Variants in TYW1 observed in about 807,000 individuals in gnomAD.
The protein encoded by TYW1 is tRNA-yW synthesizing protein 1 homolog, also known as S-adenosyl-L-methionine-dependent tRNA 4-demethylwyosine synthase TYW1.
Under a neutral mutation model 96.2 loss-of-function variants are expected in TYW1, and 46 were observed. The observed-to-expected ratio is 0.48, with a 90% confidence interval of 0.38 to 0.61. The LOEUF (loss-of-function observed/expected upper bound fraction) is 0.61. Ranked by LOEUF, TYW1 falls within the 20% of genes least tolerant of loss-of-function variation. The probability of loss-of-function intolerance (pLI) is 0.00; values close to 1 mark genes in which losing one functional copy is unlikely to be tolerated. For synonymous variants in TYW1, 274 were observed against 323.0 expected, an observed-to-expected ratio of 0.85 and a Z score of 1.63; for missense variants, 684 against 909.6, an observed-to-expected ratio of 0.75 and a Z score of 3.19.
At chr7:67,000,918 C>A (rs971789752) in intron 3 of TYW1, among the ~76,000 whole-genome samples, 6 of 152,018 alleles carry the variant, frequency 3.9e-5, no homozygotes, top group Non-Finnish European at 8.8e-5. Context: ...AGTGCAGATA[C>A]TTTGCTTCAT....
At chr7:67,128,714 G>A (rs1350891113) in intron 13 of TYW1, among the ~76,000 whole-genome samples, 5 of 141,458 alleles carry the variant, frequency 3.5e-5, no homozygotes, top group Non-Finnish European at 7.6e-5. Flanking sequence ...TTTTTGAGAC[G>A]GAGTCTTGCT....
At chr7:67,177,846 G>A (rs1212760938) in intron 13 of TYW1, among the ~76,000 whole-genome samples, 8 of 151,790 alleles carry the variant, frequency 5.3e-5, no homozygotes, top group African/African-American at 1.9e-4. Flanking sequence ...GAAAATGTGT[G>A]TTCTTGTGCA....
At chr7:67,095,660 A>AAAC (rs56747081) in intron 11 of TYW1, among the ~76,000 whole-genome samples, 4,098 of 136,640 alleles carry the variant, frequency 0.03, 87 homozygotes, top group East Asian at 0.075. Flanking sequence ...TCTGTCTCAA[A>AAAC]AACAACAACA....
chr7:67,222,223 T>C (rs1264266845), intron 15 of TYW1, among the ~76,000 whole-genome samples: 3 of 152,046 alleles, frequency 2.0e-5, no homozygotes, highest in Admixed American at 2.0e-4. Context: ...AAGAAAAAAA[T>C]ATAGAGTTAC....
At chr7:67,053,537 G>A (rs1188598328) in intron 8 of TYW1, among the ~76,000 whole-genome samples, 3 of 151,784 alleles carry the variant, frequency 2.0e-5, no homozygotes, top group Admixed American at 6.6e-5. Flanking sequence ...ACGCCACCAC[G>A]CCTGGCTAAT....
intron 12 of TYW1, among the ~76,000 whole-genome samples, chr7:67,105,967 G>A (rs1372742718): frequency 2.0e-5 from 3 of 146,374 alleles, no homozygotes; most frequent in Non-Finnish European, 3.0e-5. Flanking sequence ...GTGCGATCTC[G>A]GCTCACCACA....
At chr7:67,137,341 C>A (rs1292552546) in intron 13 of TYW1, among the ~76,000 whole-genome samples, 1 of 151,834 alleles carries the variant, frequency 6.6e-6, no homozygotes, top group Non-Finnish European at 1.5e-5. Flanking sequence ...TTAAGCCAGG[C>A]ATGGTGGCTC....
At chr7:67,046,486 G>A (rs1795189958) in intron 7 of TYW1, among the ~76,000 whole-genome samples, 2 of 152,248 alleles carry the variant, frequency 1.3e-5, no homozygotes, top group African/African-American at 4.8e-5. Flanking sequence ...GATGGTACAG[G>A]AGAGGAAGAA....
chr7:67,149,813 A>C (rs1212001453), intron 13 of TYW1, among the ~76,000 whole-genome samples: 4 of 151,150 alleles, frequency 2.6e-5, no homozygotes, highest in Non-Finnish European at 5.9e-5. Flanking sequence ...ATCATCATTC[A>C]TTTCTCCTCC....
At chr7:67,064,177 T>C (rs1795789145) in intron 9 of TYW1, among the ~76,000 whole-genome samples, 1 of 152,196 alleles carries the variant, frequency 6.6e-6, no homozygotes, top group Non-Finnish European at 1.5e-5. Flanking sequence ...ACCAATAAGA[T>C]TTTTGTAGAA....
At chr7:67,159,452 C>CATTA (rs1168791289) in intron 13 of TYW1, among the ~76,000 whole-genome samples, 1 of 152,170 alleles carries the variant, frequency 6.6e-6, no homozygotes, top group Non-Finnish European at 1.5e-5. Flanking sequence ...AATATTTCAT[C>CATTA]ATTATCAGCT....
At chr7:67,117,400 A>G (rs1797627247) in intron 12 of TYW1, 83 bp from the exon 13 acceptor site, 4 of 1,492,720 alleles carry the variant, frequency 2.7e-6, no homozygotes, top group South Asian at 2.7e-5. Flanking sequence ...CCCCATGTCT[A>G]TTACAGATTG....
chr7:67,194,926 C>T lies in TYW1; in HGVS notation c.1810-244C>T, dbSNP rs575515014. ...CCTAGATTGCGACAACGGTAGAAAG[C>T]GCAGGTACTTAAGCCCCAGCAATGT... is the stretch of plus-strand genomic sequence containing the variant. On this transcript the variant is annotated intron_variant, in intron 14 of 15. Transcript: ENST00000359626. 4.8e-5 allele frequency among the ~76,000 whole-genome samples: 7 copies of T among 145,074 alleles called. No homozygotes were observed. In the East Asian group the frequency reaches 7.7e-4, roughly 16 times the overall value.
chr7:67,174,324 A>G (rs1486340823), intron 13 of TYW1, among the ~76,000 whole-genome samples: 6 of 151,984 alleles, frequency 3.9e-5, no homozygotes, highest in Admixed American at 2.6e-4. Context: ...TTTTAAAAGC[A>G]GGCAGAGATA....
chr7:67,238,453 C>G lies in TYW1; in HGVS notation c.2123C>G (p.Ala708Gly). ...ACTCCTCACTGGGCATTATTTGGTGCCAGTGAAAGAGGCTTTGATCCCAAG... is the reference window on the plus strand; with the variant it reads ...ACTCCTCACTGGGCATTATTTGGTGGCAGTGAAAGAGGCTTTGATCCCAAG... ...ARTPHWALFG[A>G]SERGFDPKDT... Residue 708 changes from alanine to glycine, a missense_variant, in exon 16 of 16, where the codon GCC becomes GGC. Coordinates refer to ENST00000359626, the MANE Select transcript of TYW1 (RefSeq NM_018264.4). The G allele has an allele frequency of 6.2e-7, 1 of 1,613,780 alleles. No homozygotes were observed.
intron 11 of TYW1, among the ~76,000 whole-genome samples, chr7:67,094,360 AG>A (rs1796820554): frequency 6.6e-6 from 1 of 152,076 alleles, no homozygotes; most frequent in Admixed American, 6.6e-5. Flanking sequence ...TCCTTTGGTT[AG>A]ATACCCGGTA....
intron 13 of TYW1, among the ~76,000 whole-genome samples, chr7:67,140,554 A>G (rs2116109936): frequency 6.6e-6 from 1 of 152,270 alleles, no homozygotes; most frequent in South Asian, 2.1e-4. Context: ...AAGAAAATAG[A>G]AAAATAAGGA....
intron 12 of TYW1, among the ~76,000 whole-genome samples, chr7:67,115,437 C>T (rs1042974435): frequency 1.3e-5 from 2 of 152,042 alleles, no homozygotes; most frequent in East Asian, 1.9e-4. Flanking sequence ...CTTAGTATAT[C>T]GGTATTGCAG....
intron 13 of TYW1, among the ~76,000 whole-genome samples, chr7:67,121,186 T>C (rs1051626080): frequency 6.6e-6 from 1 of 151,188 alleles, no homozygotes; most frequent in Non-Finnish European, 1.5e-5. Flanking sequence ...TACTGTTGTT[T>C]AGCACTTAAA....
Sources: allele counts gnomAD v4.1 joint callset (sites outside exome capture counted in the v4.1 genomes callset), GRCh38; gene constraint gnomAD v4.1.1; transcripts MANE v1.5; gene names NCBI Gene and HGNC (gene_info 2026-07-23, HGNC 2026-07-21).